PHACTR3: variants seen among roughly 807,000 people sequenced by gnomAD.
The protein encoded by PHACTR3 is protein phosphatase 1, regulatory subunit 123.
A neutral mutation model predicts 66.8 loss-of-function variants in PHACTR3; 16 were observed. That is an observed-to-expected ratio of 0.24 (90% CI 0.16 to 0.36). PHACTR3 has a LOEUF of 0.36. Ranked by LOEUF, PHACTR3 falls within the 10% of genes least tolerant of loss-of-function variation. The pLI is 1.00. For synonymous variants in PHACTR3, 323 were observed against 292.1 expected (o/e 1.11, Z -1.08); for missense variants, 647 against 719.9 (o/e 0.90, Z 1.16).
rs557183946 is a variant in PHACTR3 at position 59,828,228 on chromosome 20, A to G, written c.1329-8277A>G. ...AAAATGCCAGAAACCTCTCCCACAG[A>G]TTGGGGAGGGAACCTTGCTTTGTCC... On this transcript the variant is annotated intron_variant, in intron 8 of 12. Transcript: ENST00000371015. 3.5e-4 allele frequency among the ~76,000 whole-genome samples: 54 copies of G among 152,204 alleles called. No individual in the cohort carries two copies. The South Asian group carries it at 0.011, about 32-fold the overall frequency.
intron 1 of PHACTR3, among the ~76,000 whole-genome samples, chr20:59,608,987 G>C (rs2033763509): frequency 6.6e-6 from 1 of 152,202 alleles, no homozygotes; most frequent in African/African-American, 2.4e-5. Context: ...GAGACTTTCA[G>C]TAAGCATTTG....
chr20:59,635,527 C>A (rs943331028), intron 1 of PHACTR3, among the ~76,000 whole-genome samples: 16 of 151,824 alleles, frequency 1.1e-4, no homozygotes, highest in Admixed American at 2.0e-4. Context: ...TGCCATCGTG[C>A]CCGGCCTGCT....
chr20:59,756,058 C>T (rs1001220452), intron 4 of PHACTR3, among the ~76,000 whole-genome samples: 27 of 152,056 alleles, frequency 1.8e-4, no homozygotes, highest in African/African-American at 5.8e-4. Context: ...AGGGGCTTTG[C>T]GTAGTGGTGG....
chr20:59,689,194 C>T (rs1203166001), intron 1 of PHACTR3, among the ~76,000 whole-genome samples: 5 of 152,216 alleles, frequency 3.3e-5, no homozygotes. Flanking sequence ...AAGGAACAGG[C>T]AGCATCAGCT....
intron 4 of PHACTR3, among the ~76,000 whole-genome samples, chr20:59,762,473 A>G (rs1268471118): frequency 6.6e-6 from 1 of 152,250 alleles, no homozygotes; most frequent in South Asian, 2.1e-4. Context: ...TCCAGTGTTC[A>G]GTGGTCATGA....
At chr20:59,839,217 T>C (rs112375545) in intron 9 of PHACTR3, among the ~76,000 whole-genome samples, 3,355 of 152,284 alleles carry the variant, frequency 0.022, 146 homozygotes, top group African/African-American at 0.076. Context: ...TTTCTGATGA[T>C]ACCTTAAAAG....
intron 4 of PHACTR3, among the ~76,000 whole-genome samples, chr20:59,759,557 C>T (rs2039925507): frequency 6.6e-6 from 1 of 152,156 alleles, no homozygotes. Context: ...GAGCCAATCC[C>T]TGTGTTACTG....
chr20:59,812,468 G>A (rs1423742193), intron 8 of PHACTR3, among the ~76,000 whole-genome samples: 1 of 152,180 alleles, frequency 6.6e-6, no homozygotes, highest in African/African-American at 2.4e-5. Context: ...AGCGTGCAGC[G>A]AGTTTAGACG....
chr20:59,583,794 T>C (rs1349366067), intron 1 of PHACTR3, among the ~76,000 whole-genome samples: 2 of 152,248 alleles, frequency 1.3e-5, no homozygotes, highest in Non-Finnish European at 2.9e-5. Context: ...GGGCTTTGCA[T>C]TGGGCAGGGG....
chr20:59,802,602 G>A (rs957534472), intron 7 of PHACTR3, among the ~76,000 whole-genome samples: 2 of 152,180 alleles, frequency 1.3e-5, no homozygotes, highest in Admixed American at 1.3e-4. Context: ...CCACACGTTT[G>A]TGTCTGTGTG....
chr20:59,648,921 GGA>G (rs923664723), intron 1 of PHACTR3, among the ~76,000 whole-genome samples: 1 of 152,212 alleles, frequency 6.6e-6, no homozygotes, highest in African/African-American at 2.4e-5. Context: ...CCTGCTAGGA[GGA>G]GAGAGTCCTG....
chr20:59,774,556 G>A (rs746795090), intron 7 of PHACTR3, 66 bp downstream of exon 7: 103 of 1,560,946 alleles, frequency 6.6e-5, no homozygotes, highest in Non-Finnish European at 7.7e-5. Flanking sequence ...CCAGGGGGTC[G>A]AGGACAGAGC....
intron 1 of PHACTR3, among the ~76,000 whole-genome samples, chr20:59,635,430 C>G (rs985104910): frequency 2.0e-5 from 3 of 151,488 alleles, no homozygotes; most frequent in African/African-American, 7.3e-5. Context: ...GACGGGGTTT[C>G]ACCATGTTAG....
Position 59,782,308 on chromosome 20 carries a change from G to A in PHACTR3, c.1174+7818G>A, listed in dbSNP as rs1276592634. ...GCTCTGTTGCCCAGGCTGGAGTATC[G>A]TGGCACGATCTTGGCTCACTGCAAC... On this transcript the variant is annotated intron_variant, in intron 7 of 12. Coordinates refer to ENST00000371015, the MANE Select transcript of PHACTR3 (RefSeq NM_080672.5). Among the ~76,000 whole-genome samples the A allele has an allele frequency of 5.3e-5, 8 of 152,140 alleles. No individual in the cohort carries two copies. The South Asian group carries it at 1.2e-3, about 24-fold the overall frequency.
intron 1 of PHACTR3, among the ~76,000 whole-genome samples, chr20:59,696,294 G>A (rs1205263791): frequency 6.6e-6 from 1 of 152,168 alleles, no homozygotes; most frequent in African/African-American, 2.4e-5. Context: ...ATAGTACAAT[G>A]ACGCTGCCTC....
intron 1 of PHACTR3, among the ~76,000 whole-genome samples, chr20:59,733,785 G>A (rs1024436920): frequency 3.3e-5 from 5 of 152,086 alleles, no homozygotes; most frequent in African/African-American, 1.2e-4. Flanking sequence ...CGCTTGCTAG[G>A]GTCTTGATGG....
In PHACTR3 at chr20:59,604,706, A is replaced by C; in HGVS notation, c.-309A>C. On this transcript the variant is annotated 5_prime_UTR_variant, in exon 1 of 13. Transcript: ENST00000371015. ...GAAAAAGTTTTTATTTCCTGGTTCA[A>C]CTTTTTTTTTTTTCCCTGGAATATA... The C allele has an allele frequency of 9.7e-7, 1 of 1,033,858 alleles. No homozygotes were observed. The highest frequency in any genetic ancestry group is 1.2e-6 in the Non-Finnish European group (1 of 865,940). The allele number at this position is 1,033,858 out of a possible 1,614,324, so 64.0% of individuals were successfully genotyped here.
intron 7 of PHACTR3, among the ~76,000 whole-genome samples, chr20:59,792,809 G>C (rs1212267719): frequency 6.6e-6 from 1 of 152,102 alleles, no homozygotes; most frequent in African/African-American, 2.4e-5. Flanking sequence ...TTTTTATGCT[G>C]CTTTAGTTAT....
chr20:59,793,391 G>A (rs4812133), intron 7 of PHACTR3, among the ~76,000 whole-genome samples: 148,520 of 152,346 alleles, frequency 0.97, 72,426 homozygotes, highest in East Asian at 1. Context: ...GGGCATTTTA[G>A]CAATGTTTAT....
Sources: allele counts gnomAD v4.1 joint callset (sites outside exome capture counted in the v4.1 genomes callset), GRCh38; gene constraint gnomAD v4.1.1; transcripts MANE v1.5; gene names NCBI Gene and HGNC (gene_info 2026-07-23, HGNC 2026-07-21).